The following ADAMTS6 variants were observed in gnomAD, a reference collection of about 807,000 sequenced individuals.
ADAMTS6 encodes A disintegrin and metalloproteinase with thrombospondin motifs 6.
A neutral mutation model predicts 144.3 loss-of-function variants in ADAMTS6; 23 were observed. The observed-to-expected ratio is 0.16, with a 90% CI of 0.11 to 0.23. The LOEUF (loss-of-function observed/expected upper bound fraction) is 0.23, where lower values mean the gene tolerates loss of function less well. ADAMTS6 is among the 10% of genes least tolerant of loss of function. The pLI, the probability that ADAMTS6 is intolerant of heterozygous loss-of-function variation, is 1.00. For synonymous variants in ADAMTS6, 444 were observed against 457.5 expected (o/e 0.97, Z 0.38); for missense variants, 999 against 1,379.6 (o/e 0.72, Z 4.37).
chr5:65,251,600 G>C (rs1224468169), intron 14 of ADAMTS6: 1 of 152,162 alleles, frequency 6.6e-6, no homozygotes, highest in East Asian at 1.9e-4. Context: ...TCAAAGAAAG[G>C]GTCCTTGTGT....
chr5:65,332,360 G>A (rs1297680659), intron 8 of ADAMTS6, among the ~76,000 whole-genome samples: 6 of 150,528 alleles, frequency 4.0e-5, no homozygotes, highest in African/African-American at 1.5e-4. Context: ...GCAAATGTGT[G>A]TATGTGTGTA....
chr5:65,474,313 T>G lies in ADAMTS6; in HGVS notation c.-279-361A>C, dbSNP rs868574970. Among the ~76,000 whole-genome samples the G allele has an allele frequency of 4.6e-5, 7 of 152,278 alleles. No individual in the cohort carries two copies. In the Middle Eastern group the frequency reaches 0.02, roughly 444 times the overall value. On this transcript the variant is annotated intron_variant, in intron 1 of 24. Transcript: ENST00000381055. ...AGTTCATTATATGTGACAAACAATATGTAATCCCATTCCATAACATGCCTT... is the reference window on the plus strand; with the variant it reads ...AGTTCATTATATGTGACAAACAATAGGTAATCCCATTCCATAACATGCCTT...
intron 21 of ADAMTS6, among the ~76,000 whole-genome samples, chr5:65,195,327 A>C (rs937265551): frequency 6.6e-6 from 1 of 152,250 alleles, no homozygotes; most frequent in Non-Finnish European, 1.5e-5. Flanking sequence ...GATAGGTCAC[A>C]TTTTGATACT....
At chr5:65,169,611 G>C (rs373267451) in intron 24 of ADAMTS6, among the ~76,000 whole-genome samples, 1,725 of 145,240 alleles carry the variant, frequency 0.012, 18 homozygotes, top group African/African-American at 0.046. Flanking sequence ...GCATTATTCA[G>C]AATAGCAAAG....
At chr5:65,367,658 GC>G (rs1245722367) in intron 7 of ADAMTS6, among the ~76,000 whole-genome samples, 1 of 152,078 alleles carries the variant, frequency 6.6e-6, no homozygotes, top group African/African-American at 2.4e-5. Flanking sequence ...GCCTTCCCAT[GC>G]AGCTGGTTGA....
chr5:65,219,851 T>C (rs944308876), intron 18 of ADAMTS6, among the ~76,000 whole-genome samples: 1 of 152,246 alleles, frequency 6.6e-6, no homozygotes, highest in Non-Finnish European at 1.5e-5. Flanking sequence ...TACAAACTAT[T>C]GGGTTGGTGC....
In ADAMTS6 at chr5:65,291,892, A is replaced by G. The variant is rs369818900; in HGVS notation, c.1371-422T>C. On this transcript the variant is annotated intron_variant, in intron 10 of 24. Coordinates refer to ENST00000381055, the MANE Select transcript of ADAMTS6 (RefSeq NM_197941.4). ...TATAATCCTTAAAGACCTAATTTAT[A>G]TAGTTCCACCTTGGGCAGAACAATA... Among the ~76,000 whole-genome samples, 260 of 152,324 alleles carry G rather than the reference A, an allele frequency of 1.7e-3. 2 individuals carry two copies. The highest frequency in any genetic ancestry group is 6.0e-3 in the African/African-American group (248 of 41,572).
chr5:65,206,030 T>C (rs964636087), intron 20 of ADAMTS6, among the ~76,000 whole-genome samples: 3 of 152,208 alleles, frequency 2.0e-5, no homozygotes, highest in African/African-American at 7.2e-5. Flanking sequence ...TATATGCATT[T>C]ATTTTCTCTT....
intron 9 of ADAMTS6, among the ~76,000 whole-genome samples, chr5:65,313,705 G>C (rs574799430): frequency 6.6e-6 from 1 of 152,104 alleles, no homozygotes; most frequent in Non-Finnish European, 1.5e-5. Context: ...ATATAGCTTT[G>C]AAACTTAATC....
chr5:65,291,592 CA>C, intron 10 of ADAMTS6, 122 bp from the exon 11 acceptor site: 1 of 1,032,628 alleles, frequency 9.7e-7, no homozygotes, highest in Non-Finnish European at 1.3e-6. Context: ...TACATTCTCC[CA>C]ATAAATAATC....
chr5:65,194,539 A>G (rs1004751095), intron 21 of ADAMTS6, among the ~76,000 whole-genome samples: 1 of 152,256 alleles, frequency 6.6e-6, no homozygotes, highest in South Asian at 2.1e-4. Flanking sequence ...AACTTTGTAT[A>G]GGTTTATCAG....
intron 12 of ADAMTS6, among the ~76,000 whole-genome samples, chr5:65,265,207 G>A (rs1348065003): frequency 3.3e-5 from 5 of 151,936 alleles, no homozygotes; most frequent in Non-Finnish European, 7.4e-5. Context: ...ATTGAGTTTT[G>A]AGCAATAAAA....
chr5:65,440,688 A>G (rs991060090), intron 7 of ADAMTS6, among the ~76,000 whole-genome samples: 4 of 152,172 alleles, frequency 2.6e-5, no homozygotes, highest in African/African-American at 9.6e-5. Context: ...TAGAGGTAAT[A>G]ATGCCTAGCA....
At position 65,410,733 on chromosome 5, in the gene ADAMTS6, C is replaced by G. The variant is rs1284508218; in HGVS notation, c.1073+40742G>C. On this transcript the variant is annotated intron_variant, in intron 7 of 24. Transcript: ENST00000381055. ...TTACTCTCTATTTCTATGACTTTGA[C>G]TTTTTTATATATACTCTACATATAA... is the stretch of plus-strand genomic sequence containing the variant. Among the ~76,000 whole-genome samples the G allele has an allele frequency of 2.6e-5, 4 of 152,242 alleles. No homozygotes were observed. The East Asian group carries it at 7.7e-4, about 29-fold the overall frequency.
chr5:65,258,895 C>A (rs1364578086), intron 14 of ADAMTS6, among the ~76,000 whole-genome samples: 1 of 152,022 alleles, frequency 6.6e-6, no homozygotes, highest in South Asian at 2.1e-4. Flanking sequence ...ACCTGGAATT[C>A]ATGAAAGAAG....
intron 20 of ADAMTS6, among the ~76,000 whole-genome samples, chr5:65,202,915 T>C (rs562470623): frequency 6.6e-6 from 1 of 152,356 alleles, no homozygotes; most frequent in South Asian, 2.1e-4. Context: ...AAAGATAATT[T>C]AGAATGCTTC....
At chr5:65,287,926 T>C (rs1027935753) in intron 11 of ADAMTS6, among the ~76,000 whole-genome samples, 1 of 152,228 alleles carries the variant, frequency 6.6e-6, no homozygotes, top group African/African-American at 2.4e-5. Flanking sequence ...GAATACTGCA[T>C]TATACAACTA....
At chr5:65,449,193 A>T (rs1361516441) in intron 7 of ADAMTS6, among the ~76,000 whole-genome samples, 1 of 152,240 alleles carries the variant, frequency 6.6e-6, no homozygotes, top group Non-Finnish European at 1.5e-5. Context: ...TGCTGCAAAA[A>T]GCATTTTTCT....
chr5:65,211,985 T>C lies in ADAMTS6; in HGVS notation c.2575+2809A>G, dbSNP rs138126084. 5.8e-3 allele frequency among the ~76,000 whole-genome samples: 877 copies of C among 152,272 alleles called. 13 individuals carry two copies. Among genetic ancestry groups the C allele is most frequent in the African/African-American group, 0.02 (850 of 41,558 alleles). ...CAGTGATGAAGACACGGATTCCACG[T>C]GTCTAGAGTGCTGGGTTTGGTTTCT... is the stretch of plus-strand genomic sequence containing the variant. On this transcript the variant is annotated intron_variant, in intron 20 of 24. Coordinates refer to ENST00000381055, the MANE Select transcript of ADAMTS6 (RefSeq NM_197941.4).
Sources: gnomAD v4.1 joint callset for allele counts (sites outside exome capture counted in the v4.1 genomes callset) on GRCh38, gnomAD v4.1.1 for gene constraint, MANE v1.5 for transcripts, NCBI Gene and HGNC (gene_info 2026-07-23, HGNC 2026-07-21) for gene names.